Variants in EPHA6 observed in about 807,000 individuals in gnomAD.
EPHA6 encodes the protein ephrin type-A receptor 6.
In EPHA6, 50 loss-of-function variants were observed where a neutral mutation model predicts 112.0. The observed-to-expected ratio is 0.45, with a 90% CI of 0.36 to 0.56. EPHA6 has a LOEUF of 0.56. Ranked by LOEUF, EPHA6 falls within the 20% of genes least tolerant of loss-of-function variation. The pLI, the probability that EPHA6 is intolerant of heterozygous loss-of-function variation, is 0.00. For missense variants in EPHA6, 1,280 were observed against 1,417.4 expected (o/e 0.90, Z 1.56); for synonymous variants, 529 against 490.7 (o/e 1.08, Z -1.03).
intron 14 of EPHA6, among the ~76,000 whole-genome samples, chr3:97,701,951 T>C (rs1004120651): frequency 2.0e-5 from 3 of 152,142 alleles, no homozygotes; most frequent in African/African-American, 7.2e-5. Context: ...ATTTAAATGT[T>C]CTCAAAGGTG....
chr3:97,272,934 G>A (rs1177989138), intron 5 of EPHA6, among the ~76,000 whole-genome samples: 1 of 152,074 alleles, frequency 6.6e-6, no homozygotes, highest in East Asian at 1.9e-4. Flanking sequence ...AAAATTTTGG[G>A]GGGTGGTATG....
chr3:96,963,183 G>A (rs545327934), intron 2 of EPHA6, among the ~76,000 whole-genome samples: 5 of 151,382 alleles, frequency 3.3e-5, no homozygotes, highest in African/African-American at 1.2e-4. Flanking sequence ...AAAAAAGAGG[G>A]GCACTAAAGA....
chr3:96,837,727 A>G (rs2034501070), intron 1 of EPHA6, among the ~76,000 whole-genome samples: 1 of 152,086 alleles, frequency 6.6e-6, no homozygotes, highest in Non-Finnish European at 1.5e-5. Flanking sequence ...TTTTGATTAT[A>G]TTATTAATAC....
At chr3:97,734,354 G>A (rs2035164652) in intron 15 of EPHA6, among the ~76,000 whole-genome samples, 1 of 152,020 alleles carries the variant, frequency 6.6e-6, no homozygotes, top group South Asian at 2.1e-4. Flanking sequence ...TGCATTGCAA[G>A]TGTTTTACAC....
chr3:97,752,516 A>G lies in EPHA6; in HGVS notation c.*3815A>G, dbSNP rs1257227767. ...TCTCTTTATTCCTTTCTCAGCTTCT[A>G]TCACGCCACACATTATCTCAATCAG... is the stretch of plus-strand genomic sequence containing the variant. On this transcript the variant is annotated 3_prime_UTR_variant, in exon 18 of 18. Transcript: ENST00000389672. 2 of 219,536 alleles carry G rather than the reference A, an allele frequency of 9.1e-6. No individual in the cohort carries two copies. The highest frequency in any genetic ancestry group is 1.3e-4 in the East Asian group (2 of 15,058). 13.6% of individuals were successfully genotyped at this position (219,536 alleles called of 1,614,324 possible).
chr3:97,135,337 C>A (rs2075740075), intron 3 of EPHA6, among the ~76,000 whole-genome samples: 1 of 152,106 alleles, frequency 6.6e-6, no homozygotes, highest in South Asian at 2.1e-4. Context: ...TTCTAGAGCC[C>A]AAACCTTACT....
At chr3:96,958,779 T>A (rs2041855092) in intron 2 of EPHA6, among the ~76,000 whole-genome samples, 1 of 152,228 alleles carries the variant, frequency 6.6e-6, no homozygotes, top group South Asian at 2.1e-4. Flanking sequence ...AACTCACCCA[T>A]GTTGATGAGA....
At chr3:96,988,040 TA>T (rs1423327322) in intron 3 of EPHA6, 47 bp downstream of exon 3, 2 of 1,433,662 alleles carry the variant, frequency 1.4e-6, no homozygotes, top group East Asian at 2.5e-5. Context: ...TAAATGATTT[TA>T]AAAAAGTTTT....
chr3:97,128,972 C>G (rs1300792479), intron 3 of EPHA6, among the ~76,000 whole-genome samples: 2 of 149,296 alleles, frequency 1.3e-5, no homozygotes, highest in African/African-American at 4.9e-5. Context: ...CTCCTAGACT[C>G]TAGTGATCCT....
At chr3:97,453,681 G>C (rs535193782) in intron 7 of EPHA6, among the ~76,000 whole-genome samples, 34 of 151,722 alleles carry the variant, frequency 2.2e-4, no homozygotes, top group Admixed American at 1.3e-3. Context: ...GTGGTATGTA[G>C]ATACAAATGA....
At chr3:97,172,836 G>T (rs552932555) in intron 3 of EPHA6, among the ~76,000 whole-genome samples, 1 of 151,914 alleles carries the variant, frequency 6.6e-6, no homozygotes, top group African/African-American at 2.4e-5. Flanking sequence ...CAAATGACCG[G>T]TTACAAAGCA....
chr3:97,369,895 CAA>C (rs1172399291), intron 5 of EPHA6, among the ~76,000 whole-genome samples: 9 of 152,054 alleles, frequency 5.9e-5, no homozygotes, highest in Non-Finnish European at 1.2e-4. Context: ...ACAAAAAAAT[CAA>C]AGTTTTCAAT....
intron 3 of EPHA6, among the ~76,000 whole-genome samples, chr3:97,142,852 A>G (rs769168146): frequency 1.3e-5 from 2 of 152,044 alleles, no homozygotes; most frequent in East Asian, 1.9e-4. Flanking sequence ...AAAGCCATCT[A>G]TGATGAACTC....
intron 16 of EPHA6, chr3:97,745,383 T>A (rs2107895162): frequency 2.2e-6 from 1 of 453,932 alleles, no homozygotes; most frequent in Admixed American, 2.4e-5. Context: ...CATTTTGATG[T>A]TAATTAAAAT....
intron 1 of EPHA6, among the ~76,000 whole-genome samples, chr3:96,845,343 G>C (rs1376576263): frequency 6.6e-6 from 1 of 151,988 alleles, no homozygotes; most frequent in Non-Finnish European, 1.5e-5. Context: ...CTAGTCTCAT[G>C]CTGTGCCCAA....
At chr3:96,964,707 G>A (rs2042060788) in intron 2 of EPHA6, among the ~76,000 whole-genome samples, 1 of 152,076 alleles carries the variant, frequency 6.6e-6, no homozygotes, top group Non-Finnish European at 1.5e-5. Flanking sequence ...TCTGATGAAT[G>A]TACTTATCCG....
intron 6 of EPHA6, among the ~76,000 whole-genome samples, chr3:97,446,130 A>G (rs1325205916): frequency 6.6e-6 from 1 of 152,198 alleles, no homozygotes; most frequent in East Asian, 1.9e-4. Flanking sequence ...CATATCATAG[A>G]CAAAAGCTAA....
intron 14 of EPHA6, among the ~76,000 whole-genome samples, chr3:97,644,857 G>T (rs1576185265): frequency 1.3e-5 from 2 of 152,020 alleles, no homozygotes; most frequent in East Asian, 3.9e-4. Context: ...TCTACCAGAG[G>T]TACAAGGAGG....
chr3:97,321,844 G>A (rs1214882812), intron 5 of EPHA6, among the ~76,000 whole-genome samples: 1 of 151,982 alleles, frequency 6.6e-6, no homozygotes, highest in Non-Finnish European at 1.5e-5. Flanking sequence ...ATATTTCCAG[G>A]CAGGACAGGC....
Sources: gnomAD v4.1 joint callset for allele counts (sites outside exome capture counted in the v4.1 genomes callset) on GRCh38, gnomAD v4.1.1 for gene constraint, MANE v1.5 for transcripts, NCBI Gene and HGNC (gene_info 2026-07-23, HGNC 2026-07-21) for gene names.